BMP2K: variants seen among roughly 807,000 people sequenced by gnomAD.
The protein encoded by BMP2K is BMP-2-inducible protein kinase.
A neutral mutation model predicts 116.0 loss-of-function variants in BMP2K; 74 were observed. The observed-to-expected ratio is 0.64, with a 90% CI of 0.53 to 0.77. The LOEUF (loss-of-function observed/expected upper bound fraction) is 0.77, where lower values mean the gene tolerates loss of function less well. Among genes scored for constraint, BMP2K ranks in the 30% least tolerant of loss-of-function variants. The probability of loss-of-function intolerance (pLI) is 0.00; values close to 1 mark genes in which losing one functional copy is unlikely to be tolerated. For synonymous variants in BMP2K, 486 were observed against 502.5 expected, an observed-to-expected ratio of 0.97 and a Z score of 0.44; for missense variants, 1,365 against 1,403.6, an observed-to-expected ratio of 0.97 and a Z score of 0.44.
intron 4 of BMP2K, among the ~76,000 whole-genome samples, chr4:78,844,233 G>A (rs532357999): frequency 1.4e-4 from 21 of 151,702 alleles, no homozygotes; most frequent in African/African-American, 4.3e-4. Flanking sequence ...CCCATTTTAC[G>A]TAAGGAAACT....
chr4:78,877,570 A>T (rs2110065860), intron 13 of BMP2K, among the ~76,000 whole-genome samples: 1 of 152,288 alleles, frequency 6.6e-6, no homozygotes, highest in East Asian at 1.9e-4. Flanking sequence ...ATCTCCTATG[A>T]TAACAATACC....
chr4:78,849,338 C>T (rs1731147462), intron 6 of BMP2K, among the ~76,000 whole-genome samples: 1 of 151,388 alleles, frequency 6.6e-6, no homozygotes, highest in Non-Finnish European at 1.5e-5. Context: ...AGGGAAATAC[C>T]TTTGATGTGA....
At chr4:78,901,399 A>G (rs1219126942) in intron 15 of BMP2K, among the ~76,000 whole-genome samples, 1 of 152,094 alleles carries the variant, frequency 6.6e-6, no homozygotes, top group Non-Finnish European at 1.5e-5. Flanking sequence ...TGGAGATAAT[A>G]CTGGCTACTT....
In BMP2K at chr4:78,808,562, G is replaced by A. The variant is rs112552970; in HGVS notation, c.179-17475G>A. On this transcript the variant is annotated intron_variant, in intron 1 of 15. Coordinates refer to ENST00000502613, the MANE Select transcript of BMP2K (RefSeq NM_198892.2). ...ATTACAGGCGTGAGCCACCATGCCC[G>A]GCCGCTTCCTTTTTTAATACAGGTG... Among the ~76,000 whole-genome samples the A allele has an allele frequency of 1.2e-4, 18 of 152,072 alleles. 1 individual carries two copies. The highest frequency in any genetic ancestry group is 4.1e-4 in the African/African-American group (17 of 41,470).
At chr4:78,866,784 G>A (rs1217244326) in intron 10 of BMP2K, among the ~76,000 whole-genome samples, 7 of 152,114 alleles carry the variant, frequency 4.6e-5, no homozygotes. Context: ...CCAAGTAGCT[G>A]GGATTACAGG....
chr4:78,832,464 C>G (rs1001124778), intron 2 of BMP2K, among the ~76,000 whole-genome samples: 4 of 152,008 alleles, frequency 2.6e-5, no homozygotes, highest in African/African-American at 9.7e-5. Context: ...TTTTAAAATT[C>G]TGCTTTTATT....
intron 1 of BMP2K, among the ~76,000 whole-genome samples, chr4:78,810,418 G>T (rs1259247678): frequency 6.6e-6 from 1 of 152,156 alleles, no homozygotes; most frequent in Non-Finnish European, 1.5e-5. Flanking sequence ...TTCGACTTAA[G>T]TTTTTTGGTC....
At chr4:78,901,173 A>T (rs1560554221) in intron 15 of BMP2K, among the ~76,000 whole-genome samples, 2 of 152,020 alleles carry the variant, frequency 1.3e-5, no homozygotes, top group African/African-American at 4.8e-5. Context: ...CCTCCCAAGT[A>T]GCTGGGACTA....
intron 15 of BMP2K, among the ~76,000 whole-genome samples, chr4:78,899,472 G>T (rs1195285703): frequency 6.6e-6 from 1 of 152,116 alleles, no homozygotes; most frequent in Admixed American, 6.5e-5. Flanking sequence ...AGAAATCTTG[G>T]CCATTGGGTT....
chr4:78,912,727 A>G lies in BMP2K; in HGVS notation c.*694A>G, dbSNP rs1302757184. 6.6e-6 allele frequency: 1 copy of G among 152,246 alleles called. No homozygotes were observed. The highest frequency in any genetic ancestry group is 1.5e-5 in the Non-Finnish European group (1 of 68,032). The allele number at this position is 152,246 out of a possible 1,614,324, so 9.4% of individuals were successfully genotyped here. On this transcript the variant is annotated 3_prime_UTR_variant, in exon 16 of 16. Transcript: ENST00000502613. ...AACTTACATATTCCAAAACAATGTT[A>G]TACATGATAAATATATATAATTTTT...
intron 8 of BMP2K, among the ~76,000 whole-genome samples, chr4:78,860,678 G>A (rs771474100): frequency 1.3e-5 from 2 of 150,860 alleles, no homozygotes; most frequent in Non-Finnish European, 3.0e-5. Flanking sequence ...ACTTTGTAAA[G>A]ATCATTCTGG....
chr4:78,910,607 C>T lies in BMP2K; in HGVS notation c.2063-3C>T. 1.3e-6 allele frequency: 2 copies of T among 1,519,886 alleles called. No individual in the cohort carries two copies. 94.1% of individuals were successfully genotyped at this position (1,519,886 alleles called of 1,614,324 possible). A position where few individuals can be genotyped will look rare whatever the true frequency, so the allele number is the denominator to read the frequency against. ...CTGTAATAATATTTATTTGAACTTG[C>T]AGGTTCTCCTGAAAAGAAAGCTGAA... On this transcript the variant is annotated splice_region_variant and splice_polypyrimidine_tract_variant and intron_variant, in intron 15 of 15. Coordinates refer to ENST00000502613, the MANE Select transcript of BMP2K (RefSeq NM_198892.2).
intron 1 of BMP2K, among the ~76,000 whole-genome samples, chr4:78,812,475 A>T (rs1487604344): frequency 6.6e-6 from 1 of 152,188 alleles, no homozygotes; most frequent in Non-Finnish European, 1.5e-5. Context: ...AGGCATCTCT[A>T]ACTTGGTATG....
chr4:78,896,112 T>C (rs1252670048), intron 15 of BMP2K, among the ~76,000 whole-genome samples: 2 of 152,150 alleles, frequency 1.3e-5, no homozygotes, highest in Non-Finnish European at 2.9e-5. Flanking sequence ...TTTCTTTCCT[T>C]ACCTTTATGA....
chr4:78,851,238 T>A (rs1731236755), intron 7 of BMP2K, among the ~76,000 whole-genome samples, 182 bp downstream of exon 7: 1 of 152,024 alleles, frequency 6.6e-6, no homozygotes, highest in Non-Finnish European at 1.5e-5. Context: ...GCAACCTAAT[T>A]ATTGATTAAT....
At chr4:78,778,771 T>C (rs1333395257) in intron 1 of BMP2K, among the ~76,000 whole-genome samples, 1 of 152,202 alleles carries the variant, frequency 6.6e-6, no homozygotes. Flanking sequence ...CATTTAAGCG[T>C]GATTAATCAA....
At chr4:78,855,497 G>A (rs1731463064) in intron 7 of BMP2K, among the ~76,000 whole-genome samples, 2 of 152,098 alleles carry the variant, frequency 1.3e-5, no homozygotes, top group South Asian at 4.1e-4. Flanking sequence ...TGGATCCTTC[G>A]TTTTGTGTAA....
intron 1 of BMP2K, among the ~76,000 whole-genome samples, chr4:78,817,386 G>A (rs1729402093): frequency 1.3e-5 from 2 of 152,126 alleles, no homozygotes; most frequent in African/African-American, 4.8e-5. Context: ...CAAATTTGGG[G>A]GTTCCCTTTG....
At chr4:78,800,389 TAAC>T (rs914892805) in intron 1 of BMP2K, among the ~76,000 whole-genome samples, 1 of 152,134 alleles carries the variant, frequency 6.6e-6, no homozygotes. Flanking sequence ...CAGGAGGAGT[TAAC>T]AAAGCCCATA....
Sources: allele counts gnomAD v4.1 joint callset (sites outside exome capture counted in the v4.1 genomes callset), GRCh38; gene constraint gnomAD v4.1.1; transcripts MANE v1.5; gene names NCBI Gene and HGNC (gene_info 2026-07-23, HGNC 2026-07-21).